The following PTCD2 variants were observed in gnomAD, a reference collection of about 807,000 sequenced individuals.
The protein encoded by PTCD2 is pentatricopeptide repeat domain 2.
PTCD2 carries 31 observed loss-of-function variants against 42.6 expected under a neutral mutation model. The ratio of observed to expected loss-of-function variants is 0.73; its 90% CI spans 0.55 to 0.98. The LOEUF (loss-of-function observed/expected upper bound fraction) is 0.98. Among genes scored for constraint, PTCD2 ranks in the 50% least tolerant of loss-of-function variants. The probability of loss-of-function intolerance (pLI) is 0.00; values close to 1 mark genes in which losing one functional copy is unlikely to be tolerated. For missense variants in PTCD2, 476 were observed against 454.8 expected (o/e 1.05, Z -0.42); for synonymous variants, 183 against 170.9 (o/e 1.07, Z -0.55).
intron 8 of PTCD2, among the ~76,000 whole-genome samples, chr5:72,343,858 G>A (rs562455389): frequency 1.3e-5 from 2 of 152,254 alleles, no homozygotes; most frequent in East Asian, 1.9e-4. Flanking sequence ...TGCCCATATT[G>A]AGACTCCTTG....
At chr5:72,322,084 G>C in intron 1 of PTCD2, 88 bp from the exon 2 acceptor site, 1 of 706,168 alleles carries the variant, frequency 1.4e-6, no homozygotes, top group Non-Finnish European at 2.6e-6. Context: ...TATAATAGAT[G>C]TTAGAGGTAA....
At chr5:72,329,776 A>G (rs1231839021) in intron 3 of PTCD2, among the ~76,000 whole-genome samples, 2 of 152,136 alleles carry the variant, frequency 1.3e-5, no homozygotes, top group Admixed American at 1.3e-4. Context: ...AGCACAGAGT[A>G]GTTAATTAAT....
chr5:72,331,763 G>T (rs1410079573), intron 4 of PTCD2, among the ~76,000 whole-genome samples: 1 of 152,036 alleles, frequency 6.6e-6, no homozygotes, highest in African/African-American at 2.4e-5. Flanking sequence ...GACTACATTT[G>T]GGAAGTGCTT....
At chr5:72,323,093 T>C (rs1464752597) in intron 2 of PTCD2, among the ~76,000 whole-genome samples, 1 of 152,084 alleles carries the variant, frequency 6.6e-6, no homozygotes, top group East Asian at 1.9e-4. Flanking sequence ...TAAGGTGCAG[T>C]AAGCCATGAT....
rs1561376519 is a variant in PTCD2, at chr5:72,326,668, G to C, written c.277G>C (p.Gly93Arg). The change falls in exon 3 of 10, where the codon GGG becomes CGG. Residue 93 changes from glycine to arginine, a missense_variant. Physicochemically the swap from Gly to Arg is moderately radical, Grantham distance 125. Coordinates refer to ENST00000380639, the MANE Select transcript of PTCD2 (RefSeq NM_024754.5). ...GACCCAGAACAAGCTCATCTTGAAG[G>C]GGGAGTTGATAACCTTACTACATTT... ...KLTQNKLILK[G>R]ELITLLHLCE... 1 of 1,614,082 alleles carries C rather than the reference G, an allele frequency of 6.2e-7. No homozygotes were observed. The highest frequency in any genetic ancestry group is 8.5e-7 in the Non-Finnish European group (1 of 1,179,910).
intron 4 of PTCD2, among the ~76,000 whole-genome samples, chr5:72,331,768 G>A (rs192481602): frequency 6.6e-5 from 10 of 152,230 alleles, no homozygotes; most frequent in African/African-American, 2.2e-4. Flanking sequence ...CATTTGGGAA[G>A]TGCTTTTCTA....
At chr5:72,347,455 G>A (rs1277476334) in intron 8 of PTCD2, among the ~76,000 whole-genome samples, 12 of 152,204 alleles carry the variant, frequency 7.9e-5, no homozygotes, top group Admixed American at 7.2e-4. Flanking sequence ...GAAGGCTGAG[G>A]TGGGTGGATT....
rs1343589866 is a variant in PTCD2, at chr5:72,364,434, T to C, written c.*6007T>C. 6.6e-6 allele frequency: 1 copy of C among 152,254 alleles called. No individual in the cohort carries two copies. Among genetic ancestry groups the C allele is most frequent in the East Asian group, 1.9e-4 (1 of 5,202 alleles). The allele number at this position is 152,254 out of a possible 1,614,324, so 9.4% of individuals were successfully genotyped here. ...TTTGTAAAACCAGTTGTCTGTGTCA[T>C]TTATTTTAACATGTAAAGTACACTG... On this transcript the variant is annotated 3_prime_UTR_variant, in exon 10 of 10. Transcript: ENST00000380639.
At position 72,335,855 on chromosome 5, in the gene PTCD2, T is replaced by C. The variant is rs770691619; in HGVS notation, c.609T>C (p.Tyr203=). 1.4e-5 allele frequency: 22 copies of C among 1,613,544 alleles called. No individual in the cohort carries two copies. Among genetic ancestry groups the C allele is most frequent in the Non-Finnish European group, 1.9e-5 (22 of 1,179,538 alleles). Residue 203 remains tyrosine (Y), a synonymous_variant, in exon 6 of 10, where the codon TAT becomes TAC. Transcript: ENST00000380639. ...NQDVKFTKDT[Y]VLAFAICYKL... ...ATGTGAAGTTCACCAAAGATACCTA[T>C]GTTCTTGCTTTTGCAATTTGCTACA...
rs1339279742 is a variant in PTCD2 at position 72,358,768 on chromosome 5, C to T, written c.*341C>T. ...TGAATTTCACTACAAGTGTGGATAA[C>T]TCTGATTTTCAAAGGAGTAGTTACT... On this transcript the variant is annotated 3_prime_UTR_variant, in exon 10 of 10. Transcript: ENST00000380639. The T allele has an allele frequency of 1.4e-5, 4 of 282,316 alleles. No homozygotes were observed. The highest frequency in any genetic ancestry group is 2.7e-5 in the Non-Finnish European group (4 of 148,396). The allele number at this position is 282,316 out of a possible 1,614,324, so 17.5% of individuals were successfully genotyped here. A position where few individuals can be genotyped will look rare whatever the true frequency, so the allele number is the denominator to read the frequency against.
chr5:72,361,068 T>C lies in PTCD2; in HGVS notation c.*2641T>C, dbSNP rs552320994. ...TGTTATGTGCTTTTGTAGATTGTTT[T>C]TACTTACTGTAGATATCTGTTGCTC... On this transcript the variant is annotated 3_prime_UTR_variant, in exon 10 of 10. Transcript: ENST00000380639. 2.0e-5 allele frequency: 3 copies of C among 152,360 alleles called. No homozygotes were observed. The highest frequency in any genetic ancestry group is 7.2e-5 in the African/African-American group (3 of 41,592). The allele number at this position is 152,360 out of a possible 1,614,324, so 9.4% of individuals were successfully genotyped here. A position where few individuals can be genotyped will look rare whatever the true frequency, so the allele number is the denominator to read the frequency against.
chr5:72,358,218 G>A lies in PTCD2; in HGVS notation c.958G>A (p.Glu320Lys). The A allele has an allele frequency of 6.2e-7, 1 of 1,613,950 alleles. No homozygotes were observed. The highest frequency in any genetic ancestry group is 8.5e-7 in the Non-Finnish European group (1 of 1,179,940). ...FSEEVLAKVREKVKDVPALVA... is the reference protein window; with the variant it reads ...FSEEVLAKVRKKVKDVPALVA... ...TTTTTTCCAGCTGGCCAAAGTGAGG[G>A]AAAAAGTGAAGGATGTGCCTGCCCT... The change falls in exon 10 of 10, where the codon GAA becomes AAA. Residue 320 changes from glutamate to lysine, a missense_variant. Physicochemically the swap from Glu to Lys is moderately conservative, Grantham distance 56 (BLOSUM62 1). Transcript: ENST00000380639.
In PTCD2 at chr5:72,367,922, A is replaced by G. The variant is rs1028445632; in HGVS notation, c.*9495A>G. On this transcript the variant is annotated 3_prime_UTR_variant, in exon 10 of 10. Transcript: ENST00000380639. ...AGCTGGGCGGTTAACCAGTGAACCA[A>G]TTGAGTGGCTCTGGGCTCCTATACC... 11 of 152,222 alleles carry G rather than the reference A, an allele frequency of 7.2e-5. No homozygotes were observed. Among genetic ancestry groups the G allele is most frequent in the South Asian group, 2.1e-4 (1 of 4,832 alleles). 9.4% of individuals were successfully genotyped at this position (152,222 alleles called of 1,614,324 possible). A position where few individuals can be genotyped will look rare whatever the true frequency, so the allele number is the denominator to read the frequency against.
At chr5:72,325,529 G>T (rs572773634) in intron 2 of PTCD2, among the ~76,000 whole-genome samples, 1 of 152,300 alleles carries the variant, frequency 6.6e-6, no homozygotes, top group South Asian at 2.1e-4. Flanking sequence ...AAGTGGCCGA[G>T]CTTAGATTTC....
chr5:72,332,210 A>C (rs1751473587), intron 4 of PTCD2, among the ~76,000 whole-genome samples: 1 of 151,830 alleles, frequency 6.6e-6, no homozygotes, highest in African/African-American at 2.4e-5. Context: ...TCTGCCTCTT[A>C]CTCTTTTTTT....
chr5:72,334,142 A>G (rs1211204732), intron 4 of PTCD2, among the ~76,000 whole-genome samples: 1 of 152,220 alleles, frequency 6.6e-6, no homozygotes, highest in Admixed American at 6.5e-5. Context: ...CTGGGATTAC[A>G]GGCGTGAGCC....
chr5:72,353,291 A>C (rs754230473), intron 9 of PTCD2, among the ~76,000 whole-genome samples: 8 of 152,076 alleles, frequency 5.3e-5, no homozygotes, highest in Non-Finnish European at 1.2e-4. Flanking sequence ...AAGTTGACTC[A>C]CTCTTTTGGC....
intron 3 of PTCD2, among the ~76,000 whole-genome samples, chr5:72,331,008 A>T (rs1341056495): frequency 6.6e-6 from 1 of 152,204 alleles, no homozygotes; most frequent in Non-Finnish European, 1.5e-5. Context: ...ATTACAACAT[A>T]CGTTTTTCCT....
rs767704984 is a variant in PTCD2, at chr5:72,352,651, A to G, written c.839A>G (p.His280Arg). Reference protein sequence around the residue: ...IACINLNIIIHIQSNMLENLI... With the variant: ...IACINLNIIIRIQSNMLENLI... The stretch of plus-strand genomic sequence containing the variant: ...CTTCTTAATATTCAGATTATAATCC[A>G]TATCCAGTCAAATATGTTGGAAAAC... Residue 280 changes from histidine (H) to arginine (R), a missense_variant, in exon 9 of 10, where the codon CAT becomes CGT. By Grantham distance (29) the His-to-Arg change is conservative (BLOSUM62 0). Coordinates refer to ENST00000380639, the MANE Select transcript of PTCD2 (RefSeq NM_024754.5). 6 of 1,518,566 alleles carry G rather than the reference A, an allele frequency of 4.0e-6. No individual in the cohort carries two copies. Among genetic ancestry groups the G allele is most frequent in the Non-Finnish European group, 5.5e-6 (6 of 1,094,656 alleles). The allele number at this position is 1,518,566 out of a possible 1,614,324, so 94.1% of individuals were successfully genotyped here. A position where few individuals can be genotyped will look rare whatever the true frequency, so the allele number is the denominator to read the frequency against.
Sources: allele counts gnomAD v4.1 joint callset (sites outside exome capture counted in the v4.1 genomes callset), GRCh38; gene constraint gnomAD v4.1.1; transcripts MANE v1.5; gene names NCBI Gene and HGNC (gene_info 2026-07-23, HGNC 2026-07-21).